Variants in CSMD3 observed in about 807,000 individuals in gnomAD.
CSMD3 encodes the protein CUB and Sushi multiple domains 3.
Under a neutral mutation model 435.2 loss-of-function variants are expected in CSMD3, and 177 were observed. The observed-to-expected ratio is 0.41, with a 90% CI of 0.36 to 0.46. The LOEUF is 0.46. Ranked by LOEUF, CSMD3 falls within the 20% of genes least tolerant of loss-of-function variation. The pLI is 0.34. For synonymous variants in CSMD3, 1,656 were observed against 1,520.5 expected, an observed-to-expected ratio of 1.09 and a Z score of -2.07; for missense variants, 4,265 against 4,504.6, an observed-to-expected ratio of 0.95 and a Z score of 1.52.
chr8:112,354,552 A>G (rs1826415934), intron 38 of CSMD3, among the ~76,000 whole-genome samples: 1 of 152,186 alleles, frequency 6.6e-6, no homozygotes, highest in South Asian at 2.1e-4. Flanking sequence ...ATATACACCA[A>G]CAACATCCAG....
intron 64 of CSMD3, among the ~76,000 whole-genome samples, chr8:112,245,173 G>A (rs965642064): frequency 3.9e-5 from 6 of 152,098 alleles, no homozygotes; most frequent in Middle Eastern, 3.4e-3. Flanking sequence ...TATGCTAGAA[G>A]TATCATTTTG....
At chr8:112,827,207 A>ATATATATATATATATATATATAT (rs2079722410) in intron 12 of CSMD3, among the ~76,000 whole-genome samples, 1 of 122,676 alleles carries the variant, frequency 8.2e-6, no homozygotes, top group Admixed American at 8.6e-5. Flanking sequence ...ATATATATAT[A>ATATATATATATATATATATATAT]ATCTTTCTAC....
At chr8:112,385,690 G>A (rs1829878586) in intron 36 of CSMD3, among the ~76,000 whole-genome samples, 1 of 152,194 alleles carries the variant, frequency 6.6e-6, no homozygotes, top group Non-Finnish European at 1.5e-5. Flanking sequence ...TGTAGAGGAA[G>A]TTATTAAATT....
At chr8:113,290,961 T>A (rs1374426032) in intron 2 of CSMD3, among the ~76,000 whole-genome samples, 1 of 151,356 alleles carries the variant, frequency 6.6e-6, no homozygotes, top group Non-Finnish European at 1.5e-5. Flanking sequence ...ATTTATATAA[T>A]AAATATAAAA....
At chr8:112,870,810 T>C (rs1303604388) in intron 10 of CSMD3, among the ~76,000 whole-genome samples, 1 of 151,722 alleles carries the variant, frequency 6.6e-6, no homozygotes, top group Admixed American at 6.6e-5. Flanking sequence ...CCTAGAGAGA[T>C]TATATTCTAG....
At chr8:112,707,822 C>T (rs887867320) in intron 13 of CSMD3, among the ~76,000 whole-genome samples, 3 of 152,010 alleles carry the variant, frequency 2.0e-5, no homozygotes, top group Admixed American at 6.6e-5. Context: ...CTAGAAAGAA[C>T]TCTATAATTT....
chr8:113,028,997 G>C (rs907552114), intron 5 of CSMD3, among the ~76,000 whole-genome samples: 3 of 151,532 alleles, frequency 2.0e-5, no homozygotes, highest in African/African-American at 7.2e-5. Context: ...TAGCTACAGA[G>C]AAGTCAATGC....
intron 24 of CSMD3, among the ~76,000 whole-genome samples, chr8:112,565,403 G>A (rs963086102): frequency 1.3e-4 from 20 of 152,108 alleles, no homozygotes; most frequent in Non-Finnish European, 2.6e-4. Flanking sequence ...ACAACAAACC[G>A]GTAACTAAAT....
chr8:112,575,229 T>C (rs933931323), intron 23 of CSMD3, among the ~76,000 whole-genome samples: 1 of 152,040 alleles, frequency 6.6e-6, no homozygotes, highest in African/African-American at 2.4e-5. Context: ...ACCTAAACAT[T>C]TTCTACACAG....
chr8:112,882,401 A>T (rs1159539402), intron 10 of CSMD3, among the ~76,000 whole-genome samples: 1 of 152,006 alleles, frequency 6.6e-6, no homozygotes, highest in Non-Finnish European at 1.5e-5. Flanking sequence ...ACTGAGCATG[A>T]CAATGCATAA....
intron 7 of CSMD3, among the ~76,000 whole-genome samples, chr8:112,972,966 G>A (rs951294123): frequency 3.3e-5 from 5 of 151,902 alleles, no homozygotes; most frequent in African/African-American, 1.2e-4. Context: ...GTGGTTAAAA[G>A]GAACAAGGAT....
At chr8:112,609,228 A>AAAAAAAAAAAAAAAAAAAAAT (rs1277580719) in intron 22 of CSMD3, among the ~76,000 whole-genome samples, 1 of 146,242 alleles carries the variant, frequency 6.8e-6, no homozygotes, top group Non-Finnish European at 1.5e-5. Flanking sequence ...AAAAAAAAAA[A>AAAAAAAAAAAAAAAAAAAAAT]AAAAGAATAG....
At chr8:112,769,327 C>G (rs955484312) in intron 13 of CSMD3, among the ~76,000 whole-genome samples, 2 of 151,996 alleles carry the variant, frequency 1.3e-5, no homozygotes, top group African/African-American at 4.8e-5. Context: ...CCTGCATGAT[C>G]TATACAGGGA....
At chr8:112,728,087 G>C (rs567219977) in intron 13 of CSMD3, among the ~76,000 whole-genome samples, 1 of 151,590 alleles carries the variant, frequency 6.6e-6, no homozygotes, top group Non-Finnish European at 1.5e-5. Context: ...GTTAATTAGG[G>C]GTAGTCATGT....
rs765347513 is a variant in CSMD3 at position 112,281,160 on chromosome 8, G to C, written c.9508+14C>G. The C allele has an allele frequency of 6.3e-7, 1 of 1,581,896 alleles. No individual in the cohort carries two copies. Among genetic ancestry groups the C allele is most frequent in the Middle Eastern group, 1.7e-4 (1 of 5,998 alleles). On this transcript the variant is annotated intron_variant, in intron 59 of 70. Coordinates refer to ENST00000297405, the MANE Select transcript of CSMD3 (RefSeq NM_198123.2). The stretch of plus-strand genomic sequence containing the variant: ...ATATAATTACTGATTTTTAAATATT[G>C]AGAATATACTTACTTGTACAGTTAG...
At chr8:112,769,015 G>T (rs1283959579) in intron 13 of CSMD3, among the ~76,000 whole-genome samples, 1 of 151,820 alleles carries the variant, frequency 6.6e-6, no homozygotes. Flanking sequence ...GATATAAATG[G>T]GCATTTCAAA....
intron 12 of CSMD3, among the ~76,000 whole-genome samples, chr8:112,819,291 A>T (rs1384436507): frequency 6.6e-6 from 1 of 152,090 alleles, no homozygotes; most frequent in African/African-American, 2.4e-5. Context: ...CTGGGTTGAC[A>T]TGGGTTATGA....
intron 5 of CSMD3, among the ~76,000 whole-genome samples, chr8:113,020,921 G>A (rs970088073): frequency 6.6e-6 from 1 of 152,174 alleles, no homozygotes; most frequent in Non-Finnish European, 1.5e-5. Flanking sequence ...CTTTATCCCT[G>A]AAAACCCAAC....
chr8:113,330,425 C>T (rs2094018530), intron 1 of CSMD3, among the ~76,000 whole-genome samples: 1 of 151,660 alleles, frequency 6.6e-6, no homozygotes, highest in Non-Finnish European at 1.5e-5. Context: ...GTACAGCAAA[C>T]AAATAGCAAA....
Sources: allele counts gnomAD v4.1 joint callset (sites outside exome capture counted in the v4.1 genomes callset), GRCh38; gene constraint gnomAD v4.1.1; transcripts MANE v1.5; gene names NCBI Gene and HGNC (gene_info 2026-07-23, HGNC 2026-07-21).